The following ARHGAP26 variants were observed in gnomAD, a reference collection of about 807,000 sequenced individuals.
ARHGAP26 encodes the protein rho GTPase-activating protein 26.
In ARHGAP26, 38 loss-of-function variants were observed where a neutral mutation model predicts 104.8. The ratio of observed to expected loss-of-function variants is 0.36; its 90% confidence interval spans 0.28 to 0.48. ARHGAP26 has a LOEUF of 0.48. ARHGAP26 is among the 20% of genes least tolerant of loss of function. The pLI, the probability that ARHGAP26 is intolerant of heterozygous loss-of-function variation, is 0.99. For synonymous variants in ARHGAP26, 341 were observed against 340.0 expected (o/e 1.00, Z -0.03); for missense variants, 704 against 947.9 (o/e 0.74, Z 3.38).
At chr5:143,192,079 T>C (rs770780209) in intron 20 of ARHGAP26, among the ~76,000 whole-genome samples, 9 of 152,212 alleles carry the variant, frequency 5.9e-5, no homozygotes, top group Non-Finnish European at 1.2e-4. Context: ...TCTTTAGATA[T>C]TGTCAGTTCT....
At chr5:143,087,655 T>TTTTTTTTTTTTC (rs1790793418) in intron 17 of ARHGAP26, among the ~76,000 whole-genome samples, 1 of 133,830 alleles carries the variant, frequency 7.5e-6, no homozygotes, top group African/African-American at 2.9e-5. Context: ...TTTTTTTTTT[T>TTTTTTTTTTTTC]TTTTTTTGAG....
intron 1 of ARHGAP26, chr5:142,771,117 G>C: frequency 7.6e-7 from 1 of 1,322,102 alleles, no homozygotes; most frequent in Non-Finnish European, 9.7e-7. Context: ...CCGTCGCTCC[G>C]CCTTTTGCGT....
intron 20 of ARHGAP26, among the ~76,000 whole-genome samples, chr5:143,193,240 C>CTTTTTTTTTTTTT (rs57462040): frequency 1.2e-3 from 86 of 74,568 alleles, no homozygotes; most frequent in Non-Finnish European, 1.7e-3. Context: ...ATTTTCTTTT[C>CTTTTTTTTTTTTT]TTTTTTTTTT....
chr5:143,070,944 C>T (rs1200078671), intron 17 of ARHGAP26, among the ~76,000 whole-genome samples: 1 of 152,030 alleles, frequency 6.6e-6, no homozygotes, highest in Non-Finnish European at 1.5e-5. Flanking sequence ...CAGGGACATT[C>T]TTCACAAACA....
chr5:142,914,690 C>T (rs1374877563), intron 10 of ARHGAP26, among the ~76,000 whole-genome samples: 1 of 152,100 alleles, frequency 6.6e-6, no homozygotes, highest in Non-Finnish European at 1.5e-5. Context: ...AGAAGAATAG[C>T]ATGGGTGTGG....
At position 143,003,821 on chromosome 5, in the gene ARHGAP26, G is replaced by A. The variant is rs568801271; in HGVS notation, c.1108-10259G>A. 7.2e-5 allele frequency among the ~76,000 whole-genome samples: 11 copies of A among 152,178 alleles called. No homozygotes were observed. The South Asian group carries it at 2.1e-3, about 29-fold the overall frequency. ...TACTTTGCAATGAGAAAGCAGACTC[G>A]GAAATGTTGAATGATTATCTAAGGG... is the stretch of plus-strand genomic sequence containing the variant. On this transcript the variant is annotated intron_variant, in intron 11 of 22. Transcript: ENST00000645722.
chr5:142,842,302 A>T (rs149689187), intron 1 of ARHGAP26, among the ~76,000 whole-genome samples: 1 of 152,228 alleles, frequency 6.6e-6, no homozygotes, highest in East Asian at 1.9e-4. Flanking sequence ...TGTTTCTTGA[A>T]ATTGTTCTTG....
chr5:143,092,849 A>G (rs973149418), intron 17 of ARHGAP26, among the ~76,000 whole-genome samples: 1 of 152,112 alleles, frequency 6.6e-6, no homozygotes, highest in African/African-American at 2.4e-5. Context: ...CCCACGTCTG[A>G]GCAGACCAAT....
intron 17 of ARHGAP26, among the ~76,000 whole-genome samples, chr5:143,089,822 C>T (rs559339468): frequency 3.3e-5 from 5 of 152,238 alleles, no homozygotes; most frequent in East Asian, 3.9e-4. Context: ...TCTAAATAGA[C>T]GTAAGAGTTG....
chr5:143,102,592 T>TAC (rs1793411226), intron 17 of ARHGAP26, among the ~76,000 whole-genome samples: 1 of 152,238 alleles, frequency 6.6e-6, no homozygotes, highest in African/African-American at 2.4e-5. Flanking sequence ...GTGGCCTGGT[T>TAC]ACACCCCTGT....
intron 1 of ARHGAP26, among the ~76,000 whole-genome samples, chr5:142,794,777 C>T (rs1185464445): frequency 6.6e-6 from 1 of 152,140 alleles, no homozygotes; most frequent in Non-Finnish European, 1.5e-5. Context: ...TAAGTAATGC[C>T]ACAGAGTTCT....
At chr5:143,126,805 G>C (rs1220062448) in intron 18 of ARHGAP26, among the ~76,000 whole-genome samples, 1 of 152,188 alleles carries the variant, frequency 6.6e-6, no homozygotes, top group Non-Finnish European at 1.5e-5. Flanking sequence ...AGATGGCAAA[G>C]ATTTTGGCTC....
chr5:143,216,426 A>T (rs1810362648), intron 22 of ARHGAP26: 4 of 406,766 alleles, frequency 9.8e-6, no homozygotes, highest in South Asian at 7.1e-5. Context: ...TCCAGGGCCC[A>T]GTTCCTGCCC....
At chr5:143,104,536 G>A (rs575367505) in intron 17 of ARHGAP26, among the ~76,000 whole-genome samples, 1 of 152,128 alleles carries the variant, frequency 6.6e-6, no homozygotes, top group South Asian at 2.1e-4. Context: ...AACAAAAAAA[G>A]TATGCCCTTT....
rs112003239 is a variant in ARHGAP26, at chr5:143,103,225, A to G, written c.1539-17763A>G. ...CTGGGACCTTAAAAGTCACTGGATC[A>G]GTAGACATGGGAAAAAGTTCAATAT... On this transcript the variant is annotated intron_variant, in intron 17 of 22. Coordinates refer to ENST00000645722, the MANE Select transcript of ARHGAP26 (RefSeq NM_001135608.3). The G allele has an allele frequency of 4.5e-3, 4,438 of 985,112 alleles. 162 individuals carry two copies. The African/African-American group carries it at 0.073, about 16-fold the overall frequency. 61.0% of individuals were successfully genotyped at this position (985,112 alleles called of 1,614,324 possible).
chr5:143,204,948 G>A, intron 20 of ARHGAP26, among the ~76,000 whole-genome samples: 1 of 151,994 alleles, frequency 6.6e-6, no homozygotes, highest in Non-Finnish European at 1.5e-5. Flanking sequence ...TTCCTGGGCT[G>A]GGCTGTGGTT....
chr5:142,787,535 C>T (rs1289613476), intron 1 of ARHGAP26, among the ~76,000 whole-genome samples: 4 of 152,154 alleles, frequency 2.6e-5, no homozygotes, highest in African/African-American at 9.7e-5. Flanking sequence ...GGATGGCTTA[C>T]ATCTCCCTCC....
intron 20 of ARHGAP26, among the ~76,000 whole-genome samples, chr5:143,166,892 G>A (rs1421190377): frequency 6.6e-6 from 1 of 152,216 alleles, no homozygotes; most frequent in African/African-American, 2.4e-5. Flanking sequence ...GGGAGTAACA[G>A]TCATACCACA....
At chr5:142,888,484 C>G (rs566528405) in intron 5 of ARHGAP26, among the ~76,000 whole-genome samples, 1 of 152,182 alleles carries the variant, frequency 6.6e-6, no homozygotes, top group African/African-American at 2.4e-5. Context: ...ATGTATTGAT[C>G]ATTTTCTTCA....
Sources: gnomAD v4.1 joint callset for allele counts (sites outside exome capture counted in the v4.1 genomes callset) on GRCh38, gnomAD v4.1.1 for gene constraint, MANE v1.5 for transcripts, NCBI Gene and HGNC (gene_info 2026-07-23, HGNC 2026-07-21) for gene names.